Variants in CYFIP2 observed in about 807,000 individuals in gnomAD.
CYFIP2 encodes the protein cytoplasmic FMR1-interacting protein 2.
In CYFIP2, 29 loss-of-function variants were observed where a neutral mutation model predicts 158.7. The observed-to-expected ratio is 0.18, with a 90% CI of 0.14 to 0.25. The LOEUF (loss-of-function observed/expected upper bound fraction) is 0.25, where lower values mean the gene tolerates loss of function less well. Among genes scored for constraint, CYFIP2 ranks in the 10% least tolerant of loss-of-function variants. The pLI is 1.00. For missense variants in CYFIP2, 852 were observed against 1,639.5 expected, an observed-to-expected ratio of 0.52 and a Z score of 8.29; for synonymous variants, 585 against 617.6, an observed-to-expected ratio of 0.95 and a Z score of 0.78.
intron 1 of CYFIP2, among the ~76,000 whole-genome samples, chr5:157,280,995 A>G (rs1396258391): frequency 6.6e-6 from 1 of 152,184 alleles, no homozygotes; most frequent in African/African-American, 2.4e-5. Context: ...TCCACACATG[A>G]TAGTGTGTTC....
chr5:157,389,902 G>A lies in CYFIP2; in HGVS notation c.3446+475G>A, dbSNP rs372101491. ...CAGTGATGGGGAACTGGGGACACCT[G>A]CCCGGGTTGGGGCTGCTGCTTGAGG... On this transcript the variant is annotated intron_variant, in intron 29 of 30. Transcript: ENST00000620254. Among the ~76,000 whole-genome samples, 11 of 152,324 alleles carry A rather than the reference G, an allele frequency of 7.2e-5. 1 individual carries two copies. Among genetic ancestry groups the A allele is most frequent in the Admixed American group, 6.5e-4 (10 of 15,306 alleles).
chr5:157,366,910 C>G (rs1764425221), intron 26 of CYFIP2, among the ~76,000 whole-genome samples: 1 of 152,188 alleles, frequency 6.6e-6, no homozygotes, highest in African/African-American at 2.4e-5. Flanking sequence ...CCAGCATACA[C>G]CAGGAGAGGG....
intron 21 of CYFIP2, among the ~76,000 whole-genome samples, chr5:157,335,492 G>T (rs913612794): frequency 6.6e-6 from 1 of 152,166 alleles, no homozygotes; most frequent in Non-Finnish European, 1.5e-5. Flanking sequence ...TGGCCAGGCT[G>T]GTCTCAAGCT....
intron 28 of CYFIP2, chr5:157,384,260 G>T (rs978538786): frequency 2.4e-5 from 11 of 456,646 alleles, no homozygotes; most frequent in African/African-American, 2.0e-4. Flanking sequence ...AGAGAAATAG[G>T]GGGAGAGCGG....
intron 26 of CYFIP2, chr5:157,363,307 A>G (rs1394379390): frequency 1.3e-5 from 2 of 152,174 alleles, no homozygotes; most frequent in East Asian, 1.9e-4. Context: ...CCATCCATCC[A>G]CTCATTCAGC....
chr5:157,382,535 T>C (rs1766229633), intron 26 of CYFIP2, 55 bp from the exon 27 acceptor site: 4 of 1,593,646 alleles, frequency 2.5e-6, no homozygotes, highest in Admixed American at 3.4e-5. Context: ...GAATGAAAAA[T>C]CTTCCTGGTT....
chr5:157,274,028 G>C (rs1419254111), intron 1 of CYFIP2, among the ~76,000 whole-genome samples: 1 of 151,768 alleles, frequency 6.6e-6, no homozygotes, highest in Non-Finnish European at 1.5e-5. Context: ...CCAGCTACTC[G>C]GGAGGCTGAG....
intron 23 of CYFIP2, among the ~76,000 whole-genome samples, chr5:157,352,156 T>C (rs10475988): frequency 0.22 from 33,370 of 152,138 alleles, 4,089 homozygotes; most frequent in African/African-American, 0.31. Context: ...AAAGCATTCA[T>C]TCAATTATTC....
chr5:157,377,476 G>A (rs1056955403), intron 26 of CYFIP2, among the ~76,000 whole-genome samples: 3 of 152,028 alleles, frequency 2.0e-5, no homozygotes, highest in Admixed American at 6.5e-5. Flanking sequence ...AGTCTGAATT[G>A]GTTGCTCCTC....
chr5:157,336,286 G>C (rs1761853495), intron 21 of CYFIP2, among the ~76,000 whole-genome samples: 1 of 152,240 alleles, frequency 6.6e-6, no homozygotes, highest in Admixed American at 6.5e-5. Context: ...AAGACCCGAT[G>C]CTGAAGTTGA....
At chr5:157,277,327 G>A (rs1283487741) in intron 1 of CYFIP2, among the ~76,000 whole-genome samples, 1 of 152,160 alleles carries the variant, frequency 6.6e-6, no homozygotes, top group Non-Finnish European at 1.5e-5. Context: ...CACTGAGTCT[G>A]GCCTTATCTG....
chr5:157,389,613 G>C (rs943807978), intron 29 of CYFIP2, 186 bp downstream of exon 29: 1 of 579,850 alleles, frequency 1.7e-6, no homozygotes. Context: ...TTGATAGTAA[G>C]ACCCTCACTG....
intron 4 of CYFIP2, among the ~76,000 whole-genome samples, chr5:157,296,202 T>C (rs1335772959): frequency 1.3e-5 from 2 of 152,194 alleles, no homozygotes; most frequent in African/African-American, 2.4e-5. Context: ...CCCTGCCAGA[T>C]TGGTGAAGCA....
At position 157,311,789 on chromosome 5, in the gene CYFIP2, T is replaced by C. The variant is rs116166416; in HGVS notation, c.1110+8T>C. On this transcript the variant is annotated splice_region_variant and intron_variant, in intron 11 of 30. Coordinates refer to ENST00000620254, the MANE Select transcript of CYFIP2 (RefSeq NM_001037333.3). The surrounding 1 kb of genome is among the most constrained non-coding windows in gnomAD (Gnocchi z 4.7). ...CGCTACAGCAACAGTGAGGTGAGCA[T>C]GCAGGCTGCTGGGGCACAGGCCCGT... The C allele has an allele frequency of 2.5e-5, 39 of 1,583,840 alleles. No homozygotes were observed. The African/African-American group carries it at 4.8e-4, about 20-fold the overall frequency.
chr5:157,384,046 G>A (rs1766394159), intron 28 of CYFIP2, among the ~76,000 whole-genome samples: 1 of 152,176 alleles, frequency 6.6e-6, no homozygotes, highest in African/African-American at 2.4e-5. Flanking sequence ...TATCATGGTG[G>A]CAACCTCTGA....
intron 19 of CYFIP2, among the ~76,000 whole-genome samples, chr5:157,328,768 G>A (rs925229777): frequency 6.6e-6 from 1 of 152,196 alleles, no homozygotes; most frequent in African/African-American, 2.4e-5. Context: ...ATAAATGTAT[G>A]GAGAATGAAT....
intron 8 of CYFIP2, among the ~76,000 whole-genome samples, chr5:157,306,981 T>C (rs1408158365): frequency 2.0e-5 from 3 of 150,480 alleles, no homozygotes; most frequent in South Asian, 2.1e-4. Flanking sequence ...AGATGAGAAA[T>C]AGAGGAATGG....
chr5:157,279,211 C>T (rs984194625), intron 1 of CYFIP2, among the ~76,000 whole-genome samples: 3 of 152,300 alleles, frequency 2.0e-5, no homozygotes, highest in South Asian at 2.1e-4. Context: ...TGTAAATTGT[C>T]ACCCTTACAA....
intron 30 of CYFIP2, among the ~76,000 whole-genome samples, chr5:157,391,279 TCA>T (rs1204623474): frequency 6.6e-6 from 1 of 152,130 alleles, no homozygotes; most frequent in African/African-American, 2.4e-5. Context: ...AAGAGCCACC[TCA>T]CAAAGGGCTT....
Sources: gnomAD v4.1 joint callset for allele counts (sites outside exome capture counted in the v4.1 genomes callset) on GRCh38, gnomAD v4.1.1 for gene constraint, Gnocchi (gnomAD v3.1) non-coding constraint, MANE v1.5 for transcripts, NCBI Gene and HGNC (gene_info 2026-07-23, HGNC 2026-07-21) for gene names.